KCNK3: variants seen among roughly 807,000 people sequenced by gnomAD.
The protein encoded by KCNK3 is potassium two pore domain channel subfamily K member 3.
A neutral mutation model predicts 27.3 loss-of-function variants in KCNK3; 9 were observed. The ratio of observed to expected loss-of-function variants is 0.33; its 90% confidence interval spans 0.20 to 0.57. KCNK3 has a LOEUF of 0.57. Among genes scored for constraint, KCNK3 ranks in the 20% least tolerant of loss-of-function variants. The pLI is 0.87. For synonymous variants in KCNK3, 278 were observed against 273.8 expected (o/e 1.02, Z -0.15); for missense variants, 391 against 577.7 (o/e 0.68, Z 3.31).
At chr2:26,703,648 C>T (rs529968392) in intron 1 of KCNK3, among the ~76,000 whole-genome samples, 4 of 152,266 alleles carry the variant, frequency 2.6e-5, no homozygotes, top group Admixed American at 1.3e-4. Context: ...CTCCTGTGTG[C>T]CAGGCACTAT....
chr2:26,708,495 G>A (rs1217004743), intron 1 of KCNK3, among the ~76,000 whole-genome samples: 1 of 152,134 alleles, frequency 6.6e-6, no homozygotes, highest in South Asian at 2.1e-4. Context: ...CCAACATGGT[G>A]AAACCCTGTC....
At chr2:26,714,357 C>A (rs1663185581) in intron 1 of KCNK3, among the ~76,000 whole-genome samples, 1 of 56,224 alleles carries the variant, frequency 1.8e-5, no homozygotes, top group Admixed American at 2.0e-4. Context: ...GCTTCGGTGT[C>A]CCCGACTGTT....
rs1341012167 is a variant in KCNK3, at chr2:26,715,103, A to G, written c.284-12564A>G. Among the ~76,000 whole-genome samples, 5 of 152,272 alleles carry G rather than the reference A, an allele frequency of 3.3e-5. No homozygotes were observed. The East Asian group carries it at 9.6e-4, about 29-fold the overall frequency. On this transcript the variant is annotated intron_variant, in intron 1 of 1. Transcript: ENST00000302909. ...GGCATGCAGCATCCATTCAACTAACATTAGTTAGACTGGACAAGGTGACCG... is the reference window on the plus strand; with the variant it reads ...GGCATGCAGCATCCATTCAACTAACGTTAGTTAGACTGGACAAGGTGACCG...
At chr2:26,705,608 G>T (rs79255123) in intron 1 of KCNK3, among the ~76,000 whole-genome samples, 4,586 of 152,220 alleles carry the variant, frequency 0.03, 110 homozygotes, top group South Asian at 0.1. Context: ...CAGAAAATAG[G>T]TCATTCCCGT....
chr2:26,713,390 C>T (rs1412315919), intron 1 of KCNK3, among the ~76,000 whole-genome samples: 2 of 152,182 alleles, frequency 1.3e-5, no homozygotes, highest in Non-Finnish European at 2.9e-5. Context: ...GGAGAGTCCA[C>T]TTACTGGCCA....
In KCNK3 at chr2:26,728,219, C is replaced by T. The variant is rs1426493978; in HGVS notation, c.836C>T (p.Ala279Val). ...QAGGGGGGGSAHTTDTASSTA... is the reference protein window; with the variant it reads ...QAGGGGGGGSVHTTDTASSTA... ...GGCGGCGGCGGAGGGGGTGGCAGCG[C>T]GCACACTACGGACACCGCCTCATCC... The change falls in exon 2 of 2, where the codon GCG (alanine) becomes GTG (valine). Residue 279 changes from alanine to valine, a missense_variant. Coordinates refer to ENST00000302909, the MANE Select transcript of KCNK3 (RefSeq NM_002246.3). 6.4e-7 allele frequency: 1 copy of T among 1,563,806 alleles called. No homozygotes were observed. The highest frequency in any genetic ancestry group is 1.4e-5 in the African/African-American group (1 of 73,564).
At chr2:26,701,282 T>G (rs1350119376) in intron 1 of KCNK3, among the ~76,000 whole-genome samples, 2 of 152,214 alleles carry the variant, frequency 1.3e-5, no homozygotes, top group Non-Finnish European at 2.9e-5. Flanking sequence ...TCCCTGAGGC[T>G]GGAGCAATGC....
At chr2:26,702,265 C>T (rs1003205336) in intron 1 of KCNK3, among the ~76,000 whole-genome samples, 3 of 152,164 alleles carry the variant, frequency 2.0e-5, no homozygotes, top group African/African-American at 7.2e-5. Context: ...CAGACACTCA[C>T]CCTGCTGCAG....
chr2:26,696,498 C>A (rs1184755808), intron 1 of KCNK3, among the ~76,000 whole-genome samples: 4 of 152,208 alleles, frequency 2.6e-5, no homozygotes, highest in African/African-American at 9.6e-5. Flanking sequence ...TGCTCATGGG[C>A]AGCCCTGATT....
intron 1 of KCNK3, among the ~76,000 whole-genome samples, chr2:26,719,995 G>C (rs1017917071): frequency 1.3e-5 from 2 of 152,164 alleles, no homozygotes; most frequent in African/African-American, 4.8e-5. Flanking sequence ...GGGCACCGTG[G>C]CTCATGCCTG....
intron 1 of KCNK3, among the ~76,000 whole-genome samples, chr2:26,696,010 C>G (rs1429311664): frequency 2.0e-5 from 3 of 152,180 alleles, no homozygotes; most frequent in African/African-American, 7.2e-5. Context: ...GGGCTGTGAT[C>G]AGATGGTAGA....
intron 1 of KCNK3, among the ~76,000 whole-genome samples, chr2:26,694,296 T>C (rs897778351): frequency 6.6e-6 from 1 of 152,184 alleles, no homozygotes; most frequent in Non-Finnish European, 1.5e-5. Flanking sequence ...TTGAGATGCC[T>C]CCAGAAGCAG....
At chr2:26,710,139 G>T (rs1031471053) in intron 1 of KCNK3, among the ~76,000 whole-genome samples, 2 of 152,202 alleles carry the variant, frequency 1.3e-5, no homozygotes, top group South Asian at 2.1e-4. Context: ...TGCCAAGGGT[G>T]GGGGGCTGAA....
chr2:26,701,951 C>A (rs762368809), intron 1 of KCNK3, among the ~76,000 whole-genome samples: 6 of 152,096 alleles, frequency 3.9e-5, no homozygotes, highest in South Asian at 2.1e-4. Context: ...ATCAATCAAT[C>A]AATAAATAAA....
In KCNK3 at chr2:26,712,879, G is replaced by A. The variant is rs185943201; in HGVS notation, c.284-14788G>A. On this transcript the variant is annotated intron_variant, in intron 1 of 1. Coordinates refer to ENST00000302909, the MANE Select transcript of KCNK3 (RefSeq NM_002246.3). ...TGAGCTCCTGAGCCCTGGGGAGGGT[G>A]CTGAGCCTAAGAAAAGCCTCCTTTC... 4.6e-5 allele frequency among the ~76,000 whole-genome samples: 7 copies of A among 152,178 alleles called. No individual in the cohort carries two copies. The East Asian group carries it at 1.2e-3, about 25-fold the overall frequency.
At chr2:26,706,457 G>A (rs1478199986) in intron 1 of KCNK3, among the ~76,000 whole-genome samples, 1 of 152,146 alleles carries the variant, frequency 6.6e-6, no homozygotes, top group African/African-American at 2.4e-5. Flanking sequence ...ACAAATCTGG[G>A]GTTGGGGCCA....
chr2:26,709,402 T>C (rs1340439268), intron 1 of KCNK3, among the ~76,000 whole-genome samples: 1 of 152,048 alleles, frequency 6.6e-6, no homozygotes, highest in African/African-American at 2.4e-5. Flanking sequence ...GAAGGGAGCC[T>C]GCCAGGAGAT....
chr2:26,724,672 G>A, intron 1 of KCNK3: 2 of 953,988 alleles, frequency 2.1e-6, no homozygotes, highest in South Asian at 9.7e-5. Flanking sequence ...CCTGGACAGG[G>A]CAGTGGCTGT....
chr2:26,719,029 C>T (rs887376013), intron 1 of KCNK3, among the ~76,000 whole-genome samples: 1 of 152,196 alleles, frequency 6.6e-6, no homozygotes, highest in Admixed American at 6.5e-5. Flanking sequence ...TCAAGAACTG[C>T]ACTTTAATGG....
Sources: gnomAD v4.1 joint callset for allele counts (sites outside exome capture counted in the v4.1 genomes callset) on GRCh38, gnomAD v4.1.1 for gene constraint, MANE v1.5 for transcripts, NCBI Gene and HGNC (gene_info 2026-07-23, HGNC 2026-07-21) for gene names.